Variants in HS2ST1 observed in about 807,000 individuals in gnomAD.
HS2ST1 encodes 2-O-sulfotransferase.
Under a neutral mutation model 42.9 loss-of-function variants are expected in HS2ST1, and 18 were observed. The observed-to-expected ratio is 0.42, with a 90% CI of 0.29 to 0.62. The LOEUF is 0.62. Ranked by LOEUF, HS2ST1 falls within the 20% of genes least tolerant of loss-of-function variation. HS2ST1 has a pLI of 0.21. For missense variants in HS2ST1, 334 were observed against 433.8 expected (o/e 0.77, Z 2.04); for synonymous variants, 146 against 152.9 (o/e 0.95, Z 0.33).
At chr1:87,060,863 T>C (rs1195567900) in intron 1 of HS2ST1, among the ~76,000 whole-genome samples, 1 of 152,114 alleles carries the variant, frequency 6.6e-6, no homozygotes, top group African/African-American at 2.4e-5. Context: ...AAGAAAAGAA[T>C]TGGTGTTTTT....
chr1:87,050,754 G>C (rs575659208), intron 1 of HS2ST1, among the ~76,000 whole-genome samples: 3 of 152,064 alleles, frequency 2.0e-5, no homozygotes, highest in Admixed American at 6.5e-5. Context: ...GATTACTCTA[G>C]GGTCAGAAAT....
intron 1 of HS2ST1, among the ~76,000 whole-genome samples, chr1:87,040,605 T>G (rs1570504803): frequency 6.6e-6 from 1 of 152,150 alleles, no homozygotes; most frequent in Non-Finnish European, 1.5e-5. Flanking sequence ...GTGAGAAGAA[T>G]AATGTTCTGT....
chr1:87,035,464 G>T (rs1650349408), intron 1 of HS2ST1, among the ~76,000 whole-genome samples: 1 of 152,166 alleles, frequency 6.6e-6, no homozygotes, highest in Non-Finnish European at 1.5e-5. Context: ...ACATAGTTGA[G>T]TTCATGGCCT....
intron 1 of HS2ST1, among the ~76,000 whole-genome samples, chr1:87,051,508 G>T (rs1570513797): frequency 6.6e-6 from 1 of 152,252 alleles, no homozygotes; most frequent in East Asian, 1.9e-4. Context: ...TTTTAAAGTA[G>T]ATATTAAAAT....
chr1:87,088,088 T>G (rs1170151800), intron 3 of HS2ST1, among the ~76,000 whole-genome samples: 1 of 152,094 alleles, frequency 6.6e-6, no homozygotes. Flanking sequence ...GGTGATTCTT[T>G]TTAAAATTCT....
chr1:86,991,693 T>C (rs1648956389), intron 1 of HS2ST1, among the ~76,000 whole-genome samples: 2 of 152,202 alleles, frequency 1.3e-5, no homozygotes, highest in Admixed American at 1.3e-4. Flanking sequence ...GGTAAGAAGC[T>C]TAAACTTTCC....
intron 3 of HS2ST1, among the ~76,000 whole-genome samples, chr1:87,086,924 T>TATC (rs1651830637): frequency 1.3e-5 from 2 of 151,620 alleles, no homozygotes; most frequent in Admixed American, 1.3e-4. Context: ...AGATATAAAT[T>TATC]ATTATAAATT....
chr1:87,001,567 A>G (rs986992795), intron 1 of HS2ST1, among the ~76,000 whole-genome samples: 2 of 152,260 alleles, frequency 1.3e-5, no homozygotes, highest in African/African-American at 2.4e-5. Context: ...AAAATAAAGT[A>G]TTACTTTTAA....
chr1:86,933,661 C>T (rs192143634), intron 1 of HS2ST1, among the ~76,000 whole-genome samples: 15 of 151,056 alleles, frequency 9.9e-5, no homozygotes, highest in Admixed American at 4.6e-4. Flanking sequence ...TTGATGCCCG[C>T]GTTGTCTTTT....
intron 1 of HS2ST1, among the ~76,000 whole-genome samples, chr1:87,070,093 TTG>T (rs1651364876): frequency 6.6e-6 from 1 of 152,178 alleles, no homozygotes; most frequent in Non-Finnish European, 1.5e-5. Flanking sequence ...AAACTCCTAC[TTG>T]TGTGAGTGGG....
rs116303639 is a variant in HS2ST1, at chr1:87,023,316, T to G, written c.125-49618T>G. ...GGATATTCATTGCAGCAGTTTTTTT[T>G]GTCATAAAAAAAGATCATAAGCATC... is the stretch of plus-strand genomic sequence containing the variant. On this transcript the variant is annotated intron_variant, in intron 1 of 6. Coordinates refer to ENST00000370550, the MANE Select transcript of HS2ST1 (RefSeq NM_012262.4). Among the ~76,000 whole-genome samples the G allele has an allele frequency of 5.0e-3, 761 of 152,272 alleles. 6 individuals carry two copies. Among genetic ancestry groups the G allele is most frequent in the African/African-American group, 0.017 (711 of 41,568 alleles).
rs1462035631 is a variant in HS2ST1 at position 87,107,750 on chromosome 1, TATTGTG to T, written c.*3060_*3065del. On this transcript the variant is annotated 3_prime_UTR_variant, in exon 7 of 7. Transcript: ENST00000370550. The stretch of plus-strand genomic sequence containing the variant: ...TGTGAAATGGCAACTGTTGATAAAT[TATTGTG>T]ATTGTTTTAAAATCTAATGGGAAGT... The T allele has an allele frequency of 6.6e-6, 1 of 151,966 alleles. No individual in the cohort carries two copies. The highest frequency in any genetic ancestry group is 1.5e-5 in the Non-Finnish European group (1 of 67,896). 9.4% of individuals were successfully genotyped at this position (151,966 alleles called of 1,614,324 possible).
chr1:87,068,232 C>T (rs1161336339), intron 1 of HS2ST1, among the ~76,000 whole-genome samples: 1 of 152,120 alleles, frequency 6.6e-6, no homozygotes, highest in Non-Finnish European at 1.5e-5. Context: ...TGTGTCCTCT[C>T]TTATTACCTT....
intron 2 of HS2ST1, among the ~76,000 whole-genome samples, chr1:87,078,456 G>A (rs1159333039): frequency 6.6e-6 from 1 of 152,152 alleles, no homozygotes; most frequent in East Asian, 1.9e-4. Flanking sequence ...TTTACACTCT[G>A]CTTCAGGCTA....
Position 87,084,194 on chromosome 1 carries a change from G to A in HS2ST1, c.364G>A (p.Val122Met), listed in dbSNP as rs773041961. The A allele has an allele frequency of 1.0e-5, 16 of 1,573,064 alleles. No individual in the cohort carries two copies. The highest frequency in any genetic ancestry group is 1.1e-5 in the Non-Finnish European group (13 of 1,154,970). ...NNPVMSLQDQ[V>M]RFVKNITSWK... ...TAATGAATGTGTTCTCCCTTTTTAG[G>A]TGCGCTTTGTAAAGAATATAACTTC... Residue 122 changes from valine to methionine, a missense_variant and splice_region_variant, in exon 3 of 7, where the codon GTG becomes ATG. By Grantham distance (21) the Val-to-Met change is conservative (BLOSUM62 1). Transcript: ENST00000370550.
chr1:87,107,063 A>T lies in HS2ST1; in HGVS notation c.*2367A>T, dbSNP rs1652341535. ...AAACAAATGAGCACAGTTATGTTCC[A>T]ATAAAACTTTATTTACAAAAACAGA... is the stretch of plus-strand genomic sequence containing the variant. On this transcript the variant is annotated 3_prime_UTR_variant, in exon 7 of 7. Coordinates refer to ENST00000370550, the MANE Select transcript of HS2ST1 (RefSeq NM_012262.4). The T allele has an allele frequency of 6.6e-6, 1 of 152,140 alleles. No individual in the cohort carries two copies. Among genetic ancestry groups the T allele is most frequent in the African/African-American group, 2.4e-5 (1 of 41,468 alleles). The allele number at this position is 152,140 out of a possible 1,614,324, so 9.4% of individuals were successfully genotyped here.
intron 1 of HS2ST1, among the ~76,000 whole-genome samples, chr1:87,044,399 G>A (rs1650594335): frequency 6.6e-6 from 1 of 152,012 alleles, no homozygotes; most frequent in African/African-American, 2.4e-5. Context: ...GACATACCAG[G>A]CAGTACAAAC....
intron 1 of HS2ST1, among the ~76,000 whole-genome samples, chr1:86,975,206 A>G: frequency 6.6e-6 from 1 of 152,020 alleles, no homozygotes; most frequent in East Asian, 1.9e-4. Flanking sequence ...TTTTAAAATC[A>G]TGTTACTTTC....
chr1:87,003,385 T>C (rs1022106844), intron 1 of HS2ST1, among the ~76,000 whole-genome samples: 2 of 152,230 alleles, frequency 1.3e-5, no homozygotes, highest in African/African-American at 4.8e-5. Context: ...AAATAATTTT[T>C]GAATGTATAC....
Sources: gnomAD v4.1 joint callset for allele counts (sites outside exome capture counted in the v4.1 genomes callset) on GRCh38, gnomAD v4.1.1 for gene constraint, MANE v1.5 for transcripts, NCBI Gene and HGNC (gene_info 2026-07-23, HGNC 2026-07-21) for gene names.